Variants in ZNF331 observed in about 807,000 individuals in gnomAD.
ZNF331 encodes C2H2-like zinc finger protein rearranged in thyroid adenomas.
A neutral mutation model predicts 7.0 loss-of-function variants in ZNF331; 2 were observed. That is an observed-to-expected ratio of 0.29 (90% CI 0.12 to 0.90). The LOEUF (loss-of-function observed/expected upper bound fraction) is 0.90. ZNF331 is among the 40% of genes least tolerant of loss of function. The pLI is 0.58. For synonymous variants in ZNF331, 196 were observed against 205.4 expected (o/e 0.95, Z 0.39); for missense variants, 432 against 587.7 (o/e 0.74, Z 2.74).
intron 2 of ZNF331, among the ~76,000 whole-genome samples, chr19:53,526,711 C>T (rs1286947440): frequency 6.6e-6 from 1 of 151,790 alleles, no homozygotes; most frequent in Non-Finnish European, 1.5e-5. Context: ...TGTCACTGTG[C>T]CTGGCTAGTT....
chr19:53,538,888 G>A (rs1333283123), intron 1 of ZNF331: 1 of 152,402 alleles, frequency 6.6e-6, no homozygotes, highest in Non-Finnish European at 1.5e-5. Flanking sequence ...AAGGGCCGCG[G>A]AGGGACGTGA....
intron 3 of ZNF331, chr19:53,563,653 T>C (rs2090006527): frequency 6.6e-6 from 1 of 152,158 alleles, no homozygotes. Flanking sequence ...TGATCTTCAA[T>C]AATAACAGCT....
In ZNF331 at chr19:53,571,081, G is replaced by A. The variant is rs942202595; in HGVS notation, c.10-523G>A. On this transcript the variant is annotated intron_variant, in intron 4 of 5. Coordinates refer to ENST00000449416, the MANE Select transcript of ZNF331 (RefSeq NM_001079906.2). The surrounding 1 kb of genome is among the most constrained non-coding windows in gnomAD (Gnocchi z 4.7). ...TCACCATGTTTGCCAGGATGGTCTC[G>A]ATCTCCTGACCTCGTGATCCGCCTG... Among the ~76,000 whole-genome samples, 3 of 150,760 alleles carry A rather than the reference G, an allele frequency of 2.0e-5. No individual in the cohort carries two copies. Among genetic ancestry groups the A allele is most frequent in the Non-Finnish European group, 4.4e-5 (3 of 67,776 alleles).
Position 53,576,684 on chromosome 19 carries a change from T to C in ZNF331, c.137-13T>C. On this transcript the variant is annotated splice_polypyrimidine_tract_variant and intron_variant, in intron 5 of 5. Transcript: ENST00000449416. ...TCCCTCTAAAGGAAAGAAAATATGT[T>C]CTTTTTTCCCAGATTTGGAGTCAGC... is the stretch of plus-strand genomic sequence containing the variant. The C allele has an allele frequency of 6.3e-7, 1 of 1,584,098 alleles. No homozygotes were observed. The highest frequency in any genetic ancestry group is 8.6e-7 in the Non-Finnish European group (1 of 1,167,708).
chr19:53,523,634 C>T (rs1285763697), intron 2 of ZNF331: 4 of 150,390 alleles, frequency 2.7e-5, no homozygotes, highest in Non-Finnish European at 6.0e-5. Flanking sequence ...TTTCCTTCTA[C>T]TCCATAGGTT....
upstream of ZNF331, among the ~76,000 whole-genome samples, chr19:53,534,935 C>T (rs1468925356): frequency 6.8e-6 from 1 of 145,996 alleles, no homozygotes; most frequent in African/African-American, 2.5e-5. Context: ...TAACAATGGT[C>T]TGTTTTCCTT....
chr19:53,559,559 A>G (rs2089700830), intron 3 of ZNF331, among the ~76,000 whole-genome samples: 1 of 151,326 alleles, frequency 6.6e-6, no homozygotes, highest in African/African-American at 2.4e-5. Flanking sequence ...ACATATACAC[A>G]CCTACATATA....
chr19:53,504,180 GTGAACATCTC>G, the ZNF331 span: 4,159 of 345,184 alleles, frequency 0.012, 19 homozygotes, highest in Non-Finnish European at 0.019. Flanking sequence ...TCAGCTGGTG[GTGAACATCTC>G]TGCAATGATC....
the ZNF331 span, chr19:53,511,938 TTATTTTCC>T: frequency 6.6e-6 from 1 of 152,188 alleles, no homozygotes; most frequent in Admixed American, 6.5e-5. Context: ...ATCGTTCAAG[TTATTTTCC>T]TATTTTCCTT....
At chr19:53,521,632 G>C (rs1760283976) in exon 1 of ZNF331, 1 of 152,468 alleles carries the variant, frequency 6.6e-6, no homozygotes, top group Admixed American at 6.5e-5. Flanking sequence ...CAATGCTGGT[G>C]GGGTCTGCAG....
chr19:53,565,453 A>G (rs1168671349), intron 3 of ZNF331, among the ~76,000 whole-genome samples: 1 of 151,722 alleles, frequency 6.6e-6, no homozygotes, highest in Non-Finnish European at 1.5e-5. Context: ...CTGTGGCCCC[A>G]CAAAGCGCAG....
At chr19:53,572,212 A>AT (rs1431956708) in intron 5 of ZNF331, among the ~76,000 whole-genome samples, 1 of 152,166 alleles carries the variant, frequency 6.6e-6, no homozygotes, top group Non-Finnish European at 1.5e-5. Flanking sequence ...CATTTCTTAC[A>AT]TACCATACCT....
chr19:53,505,374 C>G, the ZNF331 span, among the ~76,000 whole-genome samples: 1 of 152,114 alleles, frequency 6.6e-6, no homozygotes, highest in Non-Finnish European at 1.5e-5. Flanking sequence ...TGCAACCTCC[C>G]CGCCCTGGGC....
chr19:53,579,459 A>T lies in ZNF331; in HGVS notation c.*1507A>T, dbSNP rs1459696585. 4.7e-6 allele frequency: 1 copy of T among 212,278 alleles called. No individual in the cohort carries two copies. Among genetic ancestry groups the T allele is most frequent in the Admixed American group, 5.9e-5 (1 of 16,986 alleles). 13.1% of individuals were successfully genotyped at this position (212,278 alleles called of 1,614,324 possible). A position where few individuals can be genotyped will look rare whatever the true frequency, so the allele number is the denominator to read the frequency against. On this transcript the variant is annotated 3_prime_UTR_variant, in exon 6 of 6. Coordinates refer to ENST00000449416, the MANE Select transcript of ZNF331 (RefSeq NM_001079906.2). ...ATTATTTGTACATAAGGATAATCAC[A>T]TCTACCTGAGACTGCTATCATGGAA...
chr19:53,550,529 C>T (rs200080807), intron 2 of ZNF331, among the ~76,000 whole-genome samples: 45 of 64,516 alleles, frequency 7.0e-4, no homozygotes, highest in South Asian at 3.5e-3. Context: ...TCTATTTTGT[C>T]TTTTTTTTTT....
chr19:53,556,971 C>CTTT (rs59869542), intron 3 of ZNF331, among the ~76,000 whole-genome samples: 5 of 69,622 alleles, frequency 7.2e-5, no homozygotes, highest in East Asian at 8.5e-4. Context: ...ACACCTGGCT[C>CTTT]TTTTTTTTTT....
In ZNF331 at chr19:53,556,657, A is replaced by G. The variant is rs140597444; in HGVS notation, c.-74+749A>G. Reference sequence around the variant, plus strand: ...TTGTTTTTGTTTTGTTTTGTTTTTGAGACAGGGTCTTACTCTGTCATCAAG... The same window carrying G: ...TTGTTTTTGTTTTGTTTTGTTTTTGGGACAGGGTCTTACTCTGTCATCAAG... On this transcript the variant is annotated intron_variant, in intron 3 of 5. Coordinates refer to ENST00000449416, the MANE Select transcript of ZNF331 (RefSeq NM_001079906.2). 1.0e-2 allele frequency among the ~76,000 whole-genome samples: 1,511 copies of G among 151,680 alleles called. 30 individuals are homozygous for G. The highest frequency in any genetic ancestry group is 0.035 in the African/African-American group (1,428 of 41,318).
chr19:53,542,543 C>T (rs1294393304), intron 2 of ZNF331, among the ~76,000 whole-genome samples: 1 of 152,134 alleles, frequency 6.6e-6, no homozygotes, highest in South Asian at 2.1e-4. Flanking sequence ...TCCCTTATCC[C>T]GTGGAACACA....
At chr19:53,541,361 C>T (rs1230319784) in intron 2 of ZNF331, among the ~76,000 whole-genome samples, 1 of 152,194 alleles carries the variant, frequency 6.6e-6, no homozygotes, top group Non-Finnish European at 1.5e-5. Flanking sequence ...CTGCCTCGGC[C>T]TCCCAAAGTG....
Sources: gnomAD v4.1 joint callset for allele counts (sites outside exome capture counted in the v4.1 genomes callset) on GRCh38, gnomAD v4.1.1 for gene constraint, Gnocchi (gnomAD v3.1) non-coding constraint, MANE v1.5 for transcripts, NCBI Gene and HGNC (gene_info 2026-07-23, HGNC 2026-07-21) for gene names.